SYNE1: variants seen among roughly 807,000 people sequenced by gnomAD.
The protein encoded by SYNE1 is nesprin-1.
Under a neutral mutation model 1,111.0 loss-of-function variants are expected in SYNE1, and 616 were observed. That is an observed-to-expected ratio of 0.55 (90% CI 0.52 to 0.59). The LOEUF is 0.59. SYNE1 is among the 20% of genes least tolerant of loss of function. The pLI, the probability that SYNE1 is intolerant of heterozygous loss-of-function variation, is 0.00. For synonymous variants in SYNE1, 3,855 were observed against 3,825.8 expected (o/e 1.01, Z -0.28); for missense variants, 10,006 against 10,417.0 (o/e 0.96, Z 1.72).
intron 51 of SYNE1, among the ~76,000 whole-genome samples, chr6:152,393,034 T>C (rs1266052757): frequency 1.3e-5 from 2 of 152,194 alleles, no homozygotes; most frequent in East Asian, 3.9e-4. Context: ...TGTGTTAGGA[T>C]TGTCTGCAGA....
At chr6:152,190,814 T>A (rs2072050749) in intron 127 of SYNE1, among the ~76,000 whole-genome samples, 1 of 152,198 alleles carries the variant, frequency 6.6e-6, no homozygotes, top group Non-Finnish European at 1.5e-5. Flanking sequence ...GAAAACATGT[T>A]GAATGACAGT....
At chr6:152,461,571 T>A in intron 21 of SYNE1, 26 bp downstream of exon 21, 1 of 1,613,886 alleles carries the variant, frequency 6.2e-7, no homozygotes, top group Non-Finnish European at 8.5e-7. Context: ...TCACACAGCC[T>A]ATTGTGCATT....
chr6:152,190,263 A>C (rs1179293634), intron 127 of SYNE1, among the ~76,000 whole-genome samples: 1 of 152,148 alleles, frequency 6.6e-6, no homozygotes, highest in Admixed American at 6.5e-5. Context: ...TCACATCTTC[A>C]GGCTCCATCT....
chr6:152,176,118 T>C (rs1048629584), intron 130 of SYNE1, among the ~76,000 whole-genome samples: 1 of 151,666 alleles, frequency 6.6e-6, no homozygotes, highest in South Asian at 2.1e-4. Context: ...AGCCCTAAAA[T>C]AAAGAATTTT....
At chr6:152,457,269 T>C (rs1289054169) in intron 22 of SYNE1, among the ~76,000 whole-genome samples, 1 of 152,192 alleles carries the variant, frequency 6.6e-6, no homozygotes, top group Non-Finnish European at 1.5e-5. Flanking sequence ...TCAGGTATTG[T>C]AGCCTTCATC....
intron 121 of SYNE1, among the ~76,000 whole-genome samples, chr6:152,216,649 T>C (rs1352781015): frequency 6.6e-6 from 1 of 152,202 alleles, no homozygotes; most frequent in Non-Finnish European, 1.5e-5. Context: ...AGAAGCCACA[T>C]GGTCTTTTCC....
At position 152,149,637 on chromosome 6, in the gene SYNE1, T is replaced by C. The variant is rs776636031; in HGVS notation, c.24482A>G (p.Asn8161Ser). ...AFQQEISLNH[N>S]KIEQIIAQGE... ...TTGGGCAATTATCTGCTCAATCTTA[T>C]TGTGGTTCAGTGAAATTTCCTGCTG... The change falls in exon 136 of 146, where the codon AAT becomes AGT. Residue 8161 changes from asparagine to serine, a missense_variant. Asn to Ser is a conservative substitution (Grantham distance 46). Transcript: ENST00000367255. 5.0e-6 allele frequency: 8 copies of C among 1,614,094 alleles called. No individual in the cohort carries two copies. The Admixed American group carries it at 6.7e-5, about 13-fold the overall frequency.
chr6:152,325,189 T>C lies in SYNE1; in HGVS notation c.15552A>G (p.Ser5184=). Residue 5184 remains serine, a synonymous_variant, in exon 81 of 146, where the codon TCA becomes TCG. Coordinates refer to ENST00000367255, the MANE Select transcript of SYNE1 (RefSeq NM_182961.4). ...NDASKATLSR[S]MTTVWQRWTR... ...TCCAGCGCTGCCAGACGGTGGTCAT[T>C]GACCTGCTCAGGGTGGCTTTGCTGG... 6.2e-7 allele frequency: 1 copy of C among 1,614,190 alleles called. No individual in the cohort carries two copies. Among genetic ancestry groups the C allele is most frequent in the Non-Finnish European group, 8.5e-7 (1 of 1,180,042 alleles).
Position 152,419,556 on chromosome 6 carries a change from A to AT in SYNE1, c.5421+12_5421+13insA. The AT allele has an allele frequency of 6.3e-7, 1 of 1,599,754 alleles. No individual in the cohort carries two copies. Among genetic ancestry groups the AT allele is most frequent in the Non-Finnish European group, 8.5e-7 (1 of 1,176,342 alleles). ...ATTCTTCTTCAATCTTAAAAAAAAA[A>AT]AAACCACTTTACCTTATGCCGAGTA... On this transcript the variant is annotated intron_variant, in intron 40 of 145. Coordinates refer to ENST00000367255, the MANE Select transcript of SYNE1 (RefSeq NM_182961.4).
At chr6:152,598,099 T>G (rs2099586886) in intron 3 of SYNE1, among the ~76,000 whole-genome samples, 1 of 152,164 alleles carries the variant, frequency 6.6e-6, no homozygotes, top group South Asian at 2.1e-4. Context: ...CAGAAACTGA[T>G]ATGGTTTGGC....
At chr6:152,625,534 C>T (rs975348367) in intron 3 of SYNE1, among the ~76,000 whole-genome samples, 1 of 152,120 alleles carries the variant, frequency 6.6e-6, no homozygotes, top group Non-Finnish European at 1.5e-5. Flanking sequence ...GTAATTGATA[C>T]CAAAGGCTAG....
intron 71 of SYNE1, 71 bp downstream of exon 71, chr6:152,350,547 C>G (rs2154031809): frequency 1.9e-6 from 3 of 1,600,370 alleles, no homozygotes; most frequent in East Asian, 4.5e-5. Context: ...AATTACATGA[C>G]AGAGAGAAAG....
chr6:152,628,084 T>C (rs2099689799), intron 3 of SYNE1, among the ~76,000 whole-genome samples, 181 bp downstream of exon 3: 1 of 151,444 alleles, frequency 6.6e-6, no homozygotes, highest in African/African-American at 2.4e-5. Flanking sequence ...CTTTTCCTTC[T>C]ATGTAATGAA....
intron 10 of SYNE1, among the ~76,000 whole-genome samples, chr6:152,501,420 A>T (rs2099029340): frequency 6.6e-6 from 1 of 152,174 alleles, no homozygotes; most frequent in Non-Finnish European, 1.5e-5. Flanking sequence ...TATGCCCTTT[A>T]GCCTAGGAAT....
rs563144439 is a variant in SYNE1 at position 152,130,059 on chromosome 6, A to G, written c.26153+661T>C. 1.7e-3 allele frequency among the ~76,000 whole-genome samples: 258 copies of G among 152,232 alleles called. 2 individuals carry two copies. The highest frequency in any genetic ancestry group is 4.3e-3 in the African/African-American group (177 of 41,548). ...CAGGAAGCGCGGAGTGGCAGCTGTGAGTCGGCTCTCGGGAGGTGACTGGGC... is the reference window on the plus strand; with the variant it reads ...CAGGAAGCGCGGAGTGGCAGCTGTGGGTCGGCTCTCGGGAGGTGACTGGGC... On this transcript the variant is annotated intron_variant, in intron 145 of 145. Transcript: ENST00000367255.
intron 22 of SYNE1, among the ~76,000 whole-genome samples, chr6:152,457,591 C>T (rs1282017972): frequency 6.6e-6 from 1 of 152,142 alleles, no homozygotes; most frequent in Non-Finnish European, 1.5e-5. Context: ...ACATCAAACA[C>T]ATTTCCAGAG....
intron 27 of SYNE1, 49 bp downstream of exon 27, chr6:152,450,576 C>T: frequency 1.4e-6 from 2 of 1,461,354 alleles, no homozygotes. Context: ...TCCGAACTAA[C>T]AGAATTAAGT....
At chr6:152,233,401 C>T (rs2083241229) in intron 112 of SYNE1, among the ~76,000 whole-genome samples, 1 of 151,962 alleles carries the variant, frequency 6.6e-6, no homozygotes, top group Non-Finnish European at 1.5e-5. Flanking sequence ...GATCTCGGCT[C>T]ACTCCATCTG....
chr6:152,289,922 A>G (rs1383522213), intron 95 of SYNE1, among the ~76,000 whole-genome samples: 117 of 122,782 alleles, frequency 9.5e-4, no homozygotes, highest in East Asian at 2.8e-3. Flanking sequence ...TACCGCGCCC[A>G]GCCTTTTTTT....
Sources: allele counts gnomAD v4.1 joint callset (sites outside exome capture counted in the v4.1 genomes callset), GRCh38; gene constraint gnomAD v4.1.1; transcripts MANE v1.5; gene names NCBI Gene and HGNC (gene_info 2026-07-23, HGNC 2026-07-21).